Variants in CLASP1 observed in about 807,000 individuals in gnomAD.
CLASP1 encodes the protein CLIP-associating protein 1.
Under a neutral mutation model 192.3 loss-of-function variants are expected in CLASP1, and 38 were observed. The ratio of observed to expected loss-of-function variants is 0.20; its 90% CI spans 0.15 to 0.26. The LOEUF (loss-of-function observed/expected upper bound fraction) is 0.26, where lower values mean the gene tolerates loss of function less well. Among genes scored for constraint, CLASP1 ranks in the 10% least tolerant of loss-of-function variants. The pLI, the probability that CLASP1 is intolerant of heterozygous loss-of-function variation, is 1.00. For synonymous variants in CLASP1, 691 were observed against 712.8 expected, an observed-to-expected ratio of 0.97 and a Z score of 0.49; for missense variants, 1,433 against 1,932.5, an observed-to-expected ratio of 0.74 and a Z score of 4.85.
chr2:121,376,569 A>T (rs1252746767), intron 34 of CLASP1, among the ~76,000 whole-genome samples: 1 of 152,196 alleles, frequency 6.6e-6, no homozygotes, highest in Non-Finnish European at 1.5e-5. Context: ...TAATAGCTGC[A>T]AAATTGCAGC....
chr2:121,525,709 G>C (rs753069042), intron 6 of CLASP1, 136 bp downstream of exon 6: 377 of 620,820 alleles, frequency 6.1e-4, no homozygotes, highest in Non-Finnish European at 9.7e-4. Flanking sequence ...AAATGCTAAT[G>C]GGTACTGGAT....
At chr2:121,545,166 G>A (rs960769855) in intron 2 of CLASP1, among the ~76,000 whole-genome samples, 11 of 152,084 alleles carry the variant, frequency 7.2e-5, no homozygotes, top group Admixed American at 2.6e-4. Context: ...CACCTGCCTC[G>A]GCCTCCCAAA....
At chr2:121,474,316 TA>T (rs2091284631) in intron 8 of CLASP1, among the ~76,000 whole-genome samples, 1 of 152,156 alleles carries the variant, frequency 6.6e-6, no homozygotes, top group South Asian at 2.1e-4. Flanking sequence ...TCAAAGAGCA[TA>T]TATTTTTCAA....
At position 121,422,807 on chromosome 2, in the gene CLASP1, G is replaced by A. The variant is rs1404894448; in HGVS notation, c.2212+2332C>T. Among the ~76,000 whole-genome samples the A allele has an allele frequency of 1.3e-5, 2 of 152,126 alleles. 1 individual carries two copies. Among genetic ancestry groups the A allele is most frequent in the Non-Finnish European group, 2.9e-5 (2 of 67,996 alleles). ...AAAGAGGCATAGTTGAACCAAACAC[G>A]ATTTGTAGATAACTACGATTAATTC... On this transcript the variant is annotated intron_variant, in intron 22 of 39. Coordinates refer to ENST00000263710, the Ensembl canonical transcript of CLASP1.
chr2:121,419,209 C>A (rs1285317054), intron 22 of CLASP1, among the ~76,000 whole-genome samples: 3 of 152,108 alleles, frequency 2.0e-5, no homozygotes, highest in African/African-American at 7.2e-5. Flanking sequence ...CATGAACTTA[C>A]CTAATGATAA....
At chr2:121,459,394 C>T (rs1283007637) in intron 12 of CLASP1, among the ~76,000 whole-genome samples, 4 of 152,106 alleles carry the variant, frequency 2.6e-5, no homozygotes, top group African/African-American at 9.7e-5. Flanking sequence ...AAAAAGCACC[C>T]TTGGCTCCTT....
At chr2:121,346,912 G>C (rs1378818024) in intron 39 of CLASP1, 126 bp downstream of exon 40, 4 of 608,866 alleles carry the variant, frequency 6.6e-6, no homozygotes, top group Non-Finnish European at 1.2e-5. Flanking sequence ...TCCTCTTGGA[G>C]AAATAAGGCC....
In CLASP1 at chr2:121,380,851, A is replaced by G. The variant is rs78558220; in HGVS notation, c.3491+1357T>C. Among the ~76,000 whole-genome samples the G allele has an allele frequency of 7.1e-3, 1,085 of 152,282 alleles. 11 individuals carry two copies. Among genetic ancestry groups the G allele is most frequent in the African/African-American group, 0.025 (1,021 of 41,554 alleles). ...GCATTCTCTCTTAATGAGTTAGGTC[A>G]ATATGTATCGTGTATGTATGTGAAA... On this transcript the variant is annotated intron_variant, in intron 33 of 39. Coordinates refer to ENST00000263710, the Ensembl canonical transcript of CLASP1.
chr2:121,511,450 C>T (rs1396023930), intron 7 of CLASP1, among the ~76,000 whole-genome samples: 11 of 151,916 alleles, frequency 7.2e-5, no homozygotes, highest in African/African-American at 1.9e-4. Context: ...TAGCCAGGCA[C>T]GGTGGTGCAT....
chr2:121,559,108 G>A (rs2058844296), intron 2 of CLASP1, among the ~76,000 whole-genome samples: 1 of 152,188 alleles, frequency 6.6e-6, no homozygotes, highest in South Asian at 2.1e-4. Flanking sequence ...CACACCTCAT[G>A]AGATGTGCAA....
At chr2:121,560,547 C>T (rs2105297083) in intron 2 of CLASP1, among the ~76,000 whole-genome samples, 1 of 152,270 alleles carries the variant, frequency 6.6e-6, no homozygotes, top group Admixed American at 6.5e-5. Flanking sequence ...GGAAGACAGT[C>T]TTCTGTCTAG....
At chr2:121,461,702 A>G (rs1052974325) in intron 10 of CLASP1, among the ~76,000 whole-genome samples, 1 of 152,152 alleles carries the variant, frequency 6.6e-6, no homozygotes, top group Non-Finnish European at 1.5e-5. Flanking sequence ...TGTTTAAGAC[A>G]CTGGGAATCA....
chr2:121,567,108 G>T (rs1321179760), intron 2 of CLASP1, among the ~76,000 whole-genome samples: 1 of 152,230 alleles, frequency 6.6e-6, no homozygotes, highest in Admixed American at 6.5e-5. Context: ...CAAGATGGTT[G>T]TGAGGATGAA....
intron 6 of CLASP1, among the ~76,000 whole-genome samples, chr2:121,518,231 C>CAAAAAAAAAAAAAA (rs35409200): frequency 4.0e-5 from 2 of 49,580 alleles, no homozygotes; most frequent in African/African-American, 1.4e-4. Flanking sequence ...ACCCCCGTCT[C>CAAAAAAAAAAAAAA]AAAAAAAAAA....
At chr2:121,607,004 C>T (rs1222790612) in intron 1 of CLASP1, among the ~76,000 whole-genome samples, 2 of 151,850 alleles carry the variant, frequency 1.3e-5, no homozygotes, top group African/African-American at 2.4e-5. Flanking sequence ...TGCAGTGAGC[C>T]GAGATTGCGC....
chr2:121,433,138 G>A (rs1172410638), intron 19 of CLASP1, among the ~76,000 whole-genome samples: 2 of 151,528 alleles, frequency 1.3e-5, no homozygotes, highest in South Asian at 4.2e-4. Context: ...CCTGGCCAAC[G>A]TGGAGAAACC....
intron 22 of CLASP1, among the ~76,000 whole-genome samples, chr2:121,421,147 C>A (rs1365984257): frequency 6.6e-6 from 1 of 152,156 alleles, no homozygotes; most frequent in East Asian, 1.9e-4. Flanking sequence ...TGGTGACATC[C>A]ATGGTTCAAA....
chr2:121,599,579 C>T (rs1189956754), intron 2 of CLASP1, among the ~76,000 whole-genome samples: 2 of 119,264 alleles, frequency 1.7e-5, no homozygotes, highest in African/African-American at 7.4e-5. Context: ...GAGAGTGAGA[C>T]TCCATCTCAA....
chr2:121,403,841 C>A (rs562327921), intron 26 of CLASP1: 110 of 458,502 alleles, frequency 2.4e-4, no homozygotes, highest in Non-Finnish European at 3.9e-4. Context: ...GGTGTGGGCA[C>A]CAGCTAAGTG....
Sources: gnomAD v4.1 joint callset for allele counts (sites outside exome capture counted in the v4.1 genomes callset) on GRCh38, gnomAD v4.1.1 for gene constraint, MANE v1.5 for transcripts, NCBI Gene and HGNC (gene_info 2026-07-23, HGNC 2026-07-21) for gene names.